TAX1BP1: variants seen among roughly 807,000 people sequenced by gnomAD.
The protein encoded by TAX1BP1 is Tax1 binding protein 1, also known as tax1-binding protein 1.
In TAX1BP1, 62 loss-of-function variants were observed where a neutral mutation model predicts 97.7. The observed-to-expected ratio is 0.63, with a 90% CI of 0.52 to 0.78. TAX1BP1 has a LOEUF of 0.78. Among genes scored for constraint, TAX1BP1 ranks in the 30% least tolerant of loss-of-function variants. The probability of loss-of-function intolerance (pLI) is 0.00; values close to 1 mark genes in which losing one functional copy is unlikely to be tolerated. For synonymous variants in TAX1BP1, 340 were observed against 304.2 expected (o/e 1.12, Z -1.23); for missense variants, 867 against 916.1 (o/e 0.95, Z 0.69).
intron 11 of TAX1BP1, among the ~76,000 whole-genome samples, chr7:27,795,510 G>C (rs1789888536): frequency 6.6e-6 from 1 of 152,008 alleles, no homozygotes; most frequent in African/African-American, 2.4e-5. Flanking sequence ...GTTATATAAG[G>C]AGAACAATTT....
intron 10 of TAX1BP1, 80 bp downstream of exon 10, chr7:27,793,292 TATC>T: frequency 8.3e-7 from 1 of 1,204,174 alleles, no homozygotes; most frequent in Non-Finnish European, 1.1e-6. Context: ...ATATTCCAAA[TATC>T]AACCTTTTAA....
chr7:27,820,370 T>A (rs992841796), intron 15 of TAX1BP1, among the ~76,000 whole-genome samples: 1 of 152,212 alleles, frequency 6.6e-6, no homozygotes, highest in Non-Finnish European at 1.5e-5. Context: ...GAGTTCTAGC[T>A]TTTATTCTCA....
intron 13 of TAX1BP1, among the ~76,000 whole-genome samples, chr7:27,810,976 A>G (rs891284482): frequency 1.3e-5 from 2 of 152,092 alleles, no homozygotes; most frequent in East Asian, 1.9e-4. Flanking sequence ...CCATTTTGAT[A>G]CATTGCATTT....
intron 3 of TAX1BP1, among the ~76,000 whole-genome samples, chr7:27,763,628 C>T (rs922788781): frequency 2.0e-5 from 3 of 152,192 alleles, no homozygotes; most frequent in Non-Finnish European, 2.9e-5. Context: ...ATTCGCTGGG[C>T]GTGATGGCGT....
chr7:27,808,236 A>G (rs903463941), intron 13 of TAX1BP1, among the ~76,000 whole-genome samples: 1 of 152,218 alleles, frequency 6.6e-6, no homozygotes, highest in African/African-American at 2.4e-5. Flanking sequence ...ATTAAAAAAT[A>G]GCAACACACA....
chr7:27,819,877 A>T (rs565959829), intron 15 of TAX1BP1, among the ~76,000 whole-genome samples: 46 of 152,316 alleles, frequency 3.0e-4, no homozygotes, highest in African/African-American at 1.0e-3. Flanking sequence ...AACCCTCGGA[A>T]TTTACTGTGG....
chr7:27,794,262 G>T (rs1488424355), intron 10 of TAX1BP1, 61 bp from the exon 11 acceptor site: 1 of 1,391,472 alleles, frequency 7.2e-7, no homozygotes, highest in Non-Finnish European at 9.9e-7. Context: ...CTTAGTTACT[G>T]CAAGGAGGAA....
intron 8 of TAX1BP1, 112 bp downstream of exon 8, chr7:27,787,715 C>A: frequency 1.0e-6 from 1 of 990,904 alleles, no homozygotes; most frequent in Non-Finnish European, 1.4e-6. Context: ...AAAGTTCAAA[C>A]TTACAAAACA....
intron 5 of TAX1BP1, among the ~76,000 whole-genome samples, chr7:27,784,058 G>C (rs1789371009): frequency 6.6e-6 from 1 of 152,094 alleles, no homozygotes; most frequent in African/African-American, 2.4e-5. Flanking sequence ...TCATATTCTA[G>C]CAAGATATTT....
chr7:27,806,185 A>T (rs1160723857), intron 13 of TAX1BP1, among the ~76,000 whole-genome samples: 1 of 151,498 alleles, frequency 6.6e-6, no homozygotes, highest in Non-Finnish European at 1.5e-5. Context: ...TCTCAGGTTC[A>T]AGCAATTCTC....
chr7:27,810,455 AG>A (rs1300566675), intron 13 of TAX1BP1, among the ~76,000 whole-genome samples: 2 of 152,282 alleles, frequency 1.3e-5, no homozygotes, highest in East Asian at 3.9e-4. Context: ...AATCAAATCT[AG>A]GTCAGCCTGA....
intron 5 of TAX1BP1, among the ~76,000 whole-genome samples, chr7:27,776,187 G>T (rs1203732276): frequency 6.6e-6 from 1 of 152,146 alleles, no homozygotes; most frequent in Non-Finnish European, 1.5e-5. Context: ...ACCTTTTGGA[G>T]TACTTAAGTA....
At chr7:27,791,333 A>AT (rs1403760835) in intron 8 of TAX1BP1, among the ~76,000 whole-genome samples, 1 of 152,184 alleles carries the variant, frequency 6.6e-6, no homozygotes, top group Non-Finnish European at 1.5e-5. Context: ...TGTGTTTATA[A>AT]TGTTTAAATG....
chr7:27,766,086 C>T, intron 4 of TAX1BP1, 65 bp downstream of exon 4: 1 of 1,497,438 alleles, frequency 6.7e-7, no homozygotes, highest in Non-Finnish European at 9.0e-7. Context: ...TGTTGGTTGG[C>T]ATTTTAAGAA....
intron 13 of TAX1BP1, among the ~76,000 whole-genome samples, chr7:27,808,750 G>A (rs1790437364): frequency 6.6e-6 from 1 of 151,986 alleles, no homozygotes; most frequent in Non-Finnish European, 1.5e-5. Flanking sequence ...ACTTGTTCCT[G>A]GGAGCTGGAA....
intron 5 of TAX1BP1, among the ~76,000 whole-genome samples, chr7:27,770,149 A>G (rs1162749673): frequency 6.6e-6 from 1 of 152,114 alleles, no homozygotes; most frequent in East Asian, 1.9e-4. Flanking sequence ...ACAATTAGAA[A>G]TGATAAACGC....
At chr7:27,811,848 G>T (rs537425475) in intron 13 of TAX1BP1, among the ~76,000 whole-genome samples, 35 of 152,148 alleles carry the variant, frequency 2.3e-4, no homozygotes, top group African/African-American at 8.2e-4. Flanking sequence ...CATGTAATTG[G>T]AATAAAGCAG....
rs1317768290 is a variant in TAX1BP1, at chr7:27,758,126, A to C, written c.258A>C (p.Ala86=). The change falls in exon 3 of 17, where the codon GCA becomes GCC. Residue 86 remains alanine, a synonymous_variant. Coordinates refer to ENST00000396319, the MANE Select transcript of TAX1BP1 (RefSeq NM_006024.7). ...GATCAACAGTCAATTGTGTACTAGC[A>C]TTCCAAGGTAAGGACTGAAAACTGC... The part of the protein sequence containing the change: ...VEGSTVNCVL[A]FQGYYLPNDD... 2.4e-5 allele frequency: 38 copies of C among 1,608,324 alleles called. No homozygotes were observed. Among genetic ancestry groups the C allele is most frequent in the Non-Finnish European group, 3.1e-5 (37 of 1,177,434 alleles).
chr7:27,797,243 C>T (rs887509885), intron 12 of TAX1BP1, among the ~76,000 whole-genome samples: 3 of 151,972 alleles, frequency 2.0e-5, no homozygotes, highest in South Asian at 4.1e-4. Flanking sequence ...GTGATCCACT[C>T]GCCTCGGCCT....
Sources: gnomAD v4.1 joint callset for allele counts (sites outside exome capture counted in the v4.1 genomes callset) on GRCh38, gnomAD v4.1.1 for gene constraint, MANE v1.5 for transcripts, NCBI Gene and HGNC (gene_info 2026-07-23, HGNC 2026-07-21) for gene names.